RNF145: variants seen among roughly 807,000 people sequenced by gnomAD.
RNF145 encodes the protein ring finger protein 145.
RNF145 carries 12 observed loss-of-function variants against 57.3 expected under a neutral mutation model. The observed-to-expected ratio is 0.21, with a 90% CI of 0.13 to 0.34. The LOEUF (loss-of-function observed/expected upper bound fraction) is 0.34. Among genes scored for constraint, RNF145 ranks in the 10% least tolerant of loss-of-function variants. The pLI, the probability that RNF145 is intolerant of heterozygous loss-of-function variation, is 1.00. For missense variants in RNF145, 429 were observed against 799.0 expected, an observed-to-expected ratio of 0.54 and a Z score of 5.58; for synonymous variants, 262 against 288.3, an observed-to-expected ratio of 0.91 and a Z score of 0.92.
At chr5:159,189,407 C>A (rs553661869) in intron 3 of RNF145, among the ~76,000 whole-genome samples, 177 of 152,286 alleles carry the variant, frequency 1.2e-3, no homozygotes, top group African/African-American at 3.8e-3. Flanking sequence ...CAATGAAATA[C>A]CTCTTCACAC....
chr5:159,177,201 C>T (rs865992873), intron 4 of RNF145, among the ~76,000 whole-genome samples: 1 of 152,068 alleles, frequency 6.6e-6, no homozygotes, highest in African/African-American at 2.4e-5. Flanking sequence ...AATGTTTATA[C>T]ATAACTTCTT....
intron 8 of RNF145, among the ~76,000 whole-genome samples, chr5:159,168,630 A>T (rs1784456350): frequency 6.6e-6 from 1 of 152,212 alleles, no homozygotes; most frequent in South Asian, 2.1e-4. Context: ...AAGTTAACTT[A>T]TAATTACATG....
chr5:159,195,483 C>G (rs966922536), intron 2 of RNF145, among the ~76,000 whole-genome samples: 1 of 152,154 alleles, frequency 6.6e-6, no homozygotes, highest in Non-Finnish European at 1.5e-5. Context: ...ACAAACCCCC[C>G]TAACTTGTTT....
chr5:159,166,385 C>A (rs1784394648), intron 8 of RNF145, among the ~76,000 whole-genome samples: 1 of 152,158 alleles, frequency 6.6e-6, no homozygotes, highest in Non-Finnish European at 1.5e-5. Flanking sequence ...ATGTATTAAT[C>A]TTTTCTTTCA....
At chr5:159,165,863 C>T (rs1203118697) in intron 8 of RNF145, among the ~76,000 whole-genome samples, 1 of 152,192 alleles carries the variant, frequency 6.6e-6, no homozygotes, top group East Asian at 1.9e-4. Context: ...TTATCATCTA[C>T]TTTCTTGTTG....
intron 3 of RNF145, among the ~76,000 whole-genome samples, chr5:159,191,521 G>A (rs1294281031): frequency 6.6e-6 from 1 of 152,130 alleles, no homozygotes; most frequent in African/African-American, 2.4e-5. Context: ...GGCTGGACAC[G>A]ATGGTTCGTG....
At chr5:159,159,926 G>A (rs1784158367) in intron 10 of RNF145, among the ~76,000 whole-genome samples, 1 of 152,162 alleles carries the variant, frequency 6.6e-6, no homozygotes, top group South Asian at 2.1e-4. Flanking sequence ...GGTAACATCT[G>A]GGAGTCAACT....
Position 159,208,699 on chromosome 5 carries a change from G to C in RNF145, c.-40+532C>G, listed in dbSNP as rs143200194. ...AAGCAGGGTAAGACGAAGGGAAAGA[G>C]GGAGGGGAGCTTGGAAGCAAAGTGA... On this transcript the variant is annotated intron_variant, in intron 1 of 10. Transcript: ENST00000424310. Among the ~76,000 whole-genome samples the C allele has an allele frequency of 5.0e-3, 760 of 152,260 alleles. 4 individuals carry two copies. Among genetic ancestry groups the C allele is most frequent in the African/African-American group, 0.017 (714 of 41,530 alleles).
intron 5 of RNF145, among the ~76,000 whole-genome samples, chr5:159,174,909 G>A (rs1030387608): frequency 6.6e-6 from 1 of 152,086 alleles, no homozygotes; most frequent in African/African-American, 2.4e-5. Flanking sequence ...AAGAGCATAG[G>A]TGTAACCAAG....
chr5:159,176,904 T>C, intron 4 of RNF145, 37 bp from the exon 5 acceptor site: 2 of 1,262,908 alleles, frequency 1.6e-6, no homozygotes, highest in Non-Finnish European at 2.2e-6. Flanking sequence ...ATTTTGAGTA[T>C]TTGGCATCCA....
At chr5:159,159,147 C>T (rs1784134283) in intron 10 of RNF145, 112 bp from the exon 11 acceptor site, 1 of 963,108 alleles carries the variant, frequency 1.0e-6, no homozygotes, top group Middle Eastern at 2.2e-4. Context: ...AAATTTGTAA[C>T]ATAGATCTTA....
intron 9 of RNF145, 74 bp from the exon 10 acceptor site, chr5:159,161,696 T>C: frequency 2.3e-6 from 2 of 851,634 alleles, no homozygotes; most frequent in Non-Finnish European, 3.8e-6. Context: ...CTTTAAACAA[T>C]AACACATTCC....
At chr5:159,176,540 A>G (rs973614289) in intron 5 of RNF145, 92 bp downstream of exon 5, 41 of 784,564 alleles carry the variant, frequency 5.2e-5, no homozygotes, top group Non-Finnish European at 8.5e-5. Flanking sequence ...GAATGGTACC[A>G]TAACTGTGAA....
At chr5:159,179,515 T>G (rs1162879402) in intron 4 of RNF145, among the ~76,000 whole-genome samples, 1 of 152,122 alleles carries the variant, frequency 6.6e-6, no homozygotes, top group Non-Finnish European at 1.5e-5. Context: ...AAAATCTAAG[T>G]TGGAAGAAAA....
chr5:159,158,824 C>T lies in RNF145; in HGVS notation c.1838G>A (p.Gly613Asp). Reference protein sequence around the residue: ...VMFQEGTEPPGQEHTPGTRIQ... With the variant: ...VMFQEGTEPPDQEHTPGTRIQ... ...CCTGGTCCCTGGAGTATGCTCCTGG[C>T]CTGGGGGTTCAGTACCTTCCTGAAA... The change falls in exon 11 of 11, where the codon GGC (glycine) becomes GAC (aspartate). Residue 613 changes from glycine to aspartate, a missense_variant. Around this residue, in one of 4 missense-constraint regions of RNF145, gnomAD observed 102 missense variants for 106.2 expected, o/e 0.96. Coordinates refer to ENST00000424310, the MANE Select transcript of RNF145 (RefSeq NM_001199383.2). The T allele has an allele frequency of 6.2e-7, 1 of 1,613,900 alleles. No homozygotes were observed. Among genetic ancestry groups the T allele is most frequent in the Non-Finnish European group, 8.5e-7 (1 of 1,179,856 alleles).
At chr5:159,176,220 T>A (rs1251620632) in intron 5 of RNF145, among the ~76,000 whole-genome samples, 3 of 152,156 alleles carry the variant, frequency 2.0e-5, no homozygotes, top group African/African-American at 7.2e-5. Context: ...TTCAATTCTT[T>A]ATTATTTTTG....
chr5:159,161,386 G>A lies in RNF145; in HGVS notation c.1506C>T (p.Ala502=), dbSNP rs768612621. ...IHSYYNVWLR[A]QLGWKSFLLR... is the part of the protein sequence containing the mutation. ...GAAGAAAGCTCTTCCACCCCAGCTGGGCCCGAAGCCACACGTTATAGTAGG... is the reference window on the plus strand; with the variant it reads ...GAAGAAAGCTCTTCCACCCCAGCTGAGCCCGAAGCCACACGTTATAGTAGG... Residue 502 remains alanine, a synonymous_variant, in exon 10 of 11, where the codon GCC becomes GCT. Transcript: ENST00000424310. The A allele has an allele frequency of 1.2e-5, 19 of 1,613,962 alleles. No individual in the cohort carries two copies. The highest frequency in any genetic ancestry group is 1.6e-5 in the Non-Finnish European group (19 of 1,180,010).
At chr5:159,168,660 A>G (rs1018953722) in intron 8 of RNF145, among the ~76,000 whole-genome samples, 20 of 152,184 alleles carry the variant, frequency 1.3e-4, no homozygotes, top group Admixed American at 5.2e-4. Flanking sequence ...GTCATTTTTA[A>G]CTAAAAAATC....
chr5:159,158,479 C>G lies in RNF145; in HGVS notation c.*191G>C. On this transcript the variant is annotated 3_prime_UTR_variant, in exon 11 of 11. Transcript: ENST00000424310. ...AATACATTTTGATTAGCATACATTGCAAAATTTCTCCCACAATGTCAGGGG... is the reference window on the plus strand; with the variant it reads ...AATACATTTTGATTAGCATACATTGGAAAATTTCTCCCACAATGTCAGGGG... The G allele has an allele frequency of 1.5e-6, 1 of 659,318 alleles. No homozygotes were observed. Among genetic ancestry groups the G allele is most frequent in the Non-Finnish European group, 2.5e-6 (1 of 393,604 alleles). The allele number at this position is 659,318 out of a possible 1,614,324, so 40.8% of individuals were successfully genotyped here.
Sources: allele counts gnomAD v4.1 joint callset (sites outside exome capture counted in the v4.1 genomes callset), GRCh38; gene constraint gnomAD v4.1.1; regional missense constraint gnomAD v4.1.1; transcripts MANE v1.5; gene names NCBI Gene and HGNC (gene_info 2026-07-23, HGNC 2026-07-21).